The following CD200R1 variants were observed in gnomAD, a reference collection of about 807,000 sequenced individuals.
CD200R1 encodes cell surface glycoprotein CD200 receptor 1.
A neutral mutation model predicts 38.1 loss-of-function variants in CD200R1; 30 were observed. The ratio of observed to expected loss-of-function variants is 0.79; its 90% CI spans 0.59 to 1.07. CD200R1 has a LOEUF of 1.07. Among genes scored for constraint, CD200R1 ranks in the 50% least tolerant of loss-of-function variants. The probability of loss-of-function intolerance (pLI) is 0.00; values close to 1 mark genes in which losing one functional copy is unlikely to be tolerated. For missense variants in CD200R1, 372 were observed against 415.4 expected (o/e 0.90, Z 0.91); for synonymous variants, 128 against 152.1 (o/e 0.84, Z 1.16).
At chr3:112,941,372 C>T (rs1234516998) in intron 2 of CD200R1, among the ~76,000 whole-genome samples, 1 of 151,568 alleles carries the variant, frequency 6.6e-6, no homozygotes, top group Non-Finnish European at 1.5e-5. Flanking sequence ...CTGATTACTA[C>T]AAATTGTATG....
At chr3:112,946,375 C>T (rs1180649594) in intron 2 of CD200R1, among the ~76,000 whole-genome samples, 3 of 152,064 alleles carry the variant, frequency 2.0e-5, no homozygotes, top group Non-Finnish European at 2.9e-5. Context: ...GATTTGAAAC[C>T]CATGGATACA....
intron 2 of CD200R1, among the ~76,000 whole-genome samples, chr3:112,940,389 G>C (rs1940700314): frequency 6.6e-6 from 1 of 151,420 alleles, no homozygotes; most frequent in Non-Finnish European, 1.5e-5. Flanking sequence ...TTACAGAATG[G>C]GATAAAATAT....
Position 112,951,347 on chromosome 3 carries a change from A to G in CD200R1, c.68-3423T>C, listed in dbSNP as rs1259346324. Among the ~76,000 whole-genome samples the G allele has an allele frequency of 4.6e-5, 7 of 152,168 alleles. No individual in the cohort carries two copies. In the East Asian group the frequency reaches 1.4e-3, roughly 29 times the overall value. On this transcript the variant is annotated intron_variant, in intron 1 of 7. Coordinates refer to ENST00000308611, the MANE Select transcript of CD200R1 (RefSeq NM_138806.4). Reference sequence around the variant, plus strand: ...CTGAAAAGCCTTATATCTTTAAAAAACTGAATTTGTTGATAAAAAGCCTTC... The same window carrying G: ...CTGAAAAGCCTTATATCTTTAAAAAGCTGAATTTGTTGATAAAAAGCCTTC...
intron 2 of CD200R1, among the ~76,000 whole-genome samples, chr3:112,945,009 A>G (rs1373209624): frequency 6.6e-6 from 1 of 152,216 alleles, no homozygotes; most frequent in Non-Finnish European, 1.5e-5. Context: ...GTATAAGTCT[A>G]ACAAAATATG....
rs1398663538 is a variant in CD200R1, at chr3:112,921,659, C to A, written c.*2018G>T. 2 of 151,996 alleles carry A rather than the reference C, an allele frequency of 1.3e-5. No individual in the cohort carries two copies. The highest frequency in any genetic ancestry group is 4.8e-5 in the African/African-American group (2 of 41,418). The allele number at this position is 151,996 out of a possible 1,614,324, so 9.4% of individuals were successfully genotyped here. A position where few individuals can be genotyped will look rare whatever the true frequency, so the allele number is the denominator to read the frequency against. On this transcript the variant is annotated 3_prime_UTR_variant, in exon 8 of 8. Coordinates refer to ENST00000308611, the MANE Select transcript of CD200R1 (RefSeq NM_138806.4). ...ACGCCAGGTCTAATCTCTAGATTCTCTAATTTGACAGGTCTAGCGTGGATT... is the reference window on the plus strand; with the variant it reads ...ACGCCAGGTCTAATCTCTAGATTCTATAATTTGACAGGTCTAGCGTGGATT...
chr3:112,950,820 T>C (rs9869203), intron 1 of CD200R1, among the ~76,000 whole-genome samples: 39,549 of 152,164 alleles, frequency 0.26, 6,257 homozygotes, highest in Non-Finnish European at 0.36. Flanking sequence ...AGCAACCCTT[T>C]GCTCAAAGAA....
At chr3:112,931,016 C>A in intron 3 of CD200R1, 90 bp downstream of exon 3, 1 of 905,746 alleles carries the variant, frequency 1.1e-6, no homozygotes. Flanking sequence ...AGTCATAAGG[C>A]TGGCTTCCAG....
intron 1 of CD200R1, among the ~76,000 whole-genome samples, chr3:112,953,025 T>C (rs1415014798): frequency 6.6e-6 from 1 of 152,160 alleles, no homozygotes; most frequent in East Asian, 1.9e-4. Flanking sequence ...TGGGCATCCT[T>C]GTCTTGTTTC....
chr3:112,935,781 AGTTTT>A (rs1559947380), intron 2 of CD200R1, among the ~76,000 whole-genome samples: 2 of 152,124 alleles, frequency 1.3e-5, no homozygotes, highest in African/African-American at 4.8e-5. Context: ...ACAACAAAAA[AGTTTT>A]GTTTTTTCTG....
intron 5 of CD200R1, among the ~76,000 whole-genome samples, chr3:112,927,299 C>A (rs1940302242): frequency 6.6e-6 from 1 of 152,168 alleles, no homozygotes; most frequent in South Asian, 2.1e-4. Flanking sequence ...CACTGGTAGT[C>A]AGGCTTATCT....
intron 1 of CD200R1, among the ~76,000 whole-genome samples, chr3:112,970,814 T>A (rs1445763878): frequency 6.6e-6 from 1 of 152,172 alleles, no homozygotes; most frequent in Non-Finnish European, 1.5e-5. Flanking sequence ...TAATGTCTCA[T>A]CTTAATCCTC....
chr3:112,928,783 AAAAT>A, intron 5 of CD200R1, 29 bp downstream of exon 5: 1 of 1,514,920 alleles, frequency 6.6e-7, no homozygotes, highest in Admixed American at 1.9e-5. Flanking sequence ...AGAATGGAAA[AAAAT>A]AAAAAATAAA....
chr3:112,970,525 G>A (rs1353367267), intron 1 of CD200R1, among the ~76,000 whole-genome samples: 1 of 152,126 alleles, frequency 6.6e-6, no homozygotes, highest in East Asian at 1.9e-4. Context: ...CCAAATCCCA[G>A]TCAGCAATTG....
chr3:112,955,449 T>A (rs560635216), intron 1 of CD200R1, among the ~76,000 whole-genome samples: 1 of 152,302 alleles, frequency 6.6e-6, no homozygotes, highest in South Asian at 2.1e-4. Context: ...ACAATTGTTA[T>A]ATGCTCTTAC....
intron 2 of CD200R1, among the ~76,000 whole-genome samples, chr3:112,942,505 A>C (rs1940749944): frequency 6.6e-6 from 1 of 151,698 alleles, no homozygotes; most frequent in Admixed American, 6.6e-5. Flanking sequence ...ATCATATAAA[A>C]TACTCAGGTA....
At chr3:112,969,850 C>T (rs989297661) in intron 1 of CD200R1, among the ~76,000 whole-genome samples, 3 of 152,094 alleles carry the variant, frequency 2.0e-5, no homozygotes, top group African/African-American at 7.2e-5. Context: ...AAGTAACAGA[C>T]ATTTTTGAAG....
Position 112,931,163 on chromosome 3 carries a change from T to G in CD200R1, c.145A>C (p.Ser49Arg), listed in dbSNP as rs1940425107. The change falls in exon 3 of 8, where the codon AGT becomes CGT. Residue 49 changes from serine to arginine, a missense_variant. Physicochemically the swap from Ser to Arg is moderately radical, Grantham distance 110. Transcript: ENST00000308611. The stretch of plus-strand genomic sequence containing the variant: ...ATCTGTTTTTCATCCATACATAAAC[T>G]GCTTGAAGCTAGAAAATATTTAGAG... ...SKENHALASS[S>R]LCMDEKQITQ... 1 of 1,597,090 alleles carries G rather than the reference T, an allele frequency of 6.3e-7. No individual in the cohort carries two copies. Among genetic ancestry groups the G allele is most frequent in the Non-Finnish European group, 8.6e-7 (1 of 1,164,618 alleles).
intron 1 of CD200R1, among the ~76,000 whole-genome samples, chr3:112,965,412 T>C (rs1319566927): frequency 6.6e-6 from 1 of 152,180 alleles, no homozygotes; most frequent in African/African-American, 2.4e-5. Flanking sequence ...CATCCTTTCA[T>C]GTTAAACTTG....
chr3:112,965,678 T>C (rs1239543521), intron 1 of CD200R1, among the ~76,000 whole-genome samples: 1 of 152,082 alleles, frequency 6.6e-6, no homozygotes, highest in East Asian at 1.9e-4. Flanking sequence ...GGAGAATTGC[T>C]TGAACCCAGG....
Sources: allele counts gnomAD v4.1 joint callset (sites outside exome capture counted in the v4.1 genomes callset), GRCh38; gene constraint gnomAD v4.1.1; transcripts MANE v1.5; gene names NCBI Gene and HGNC (gene_info 2026-07-23, HGNC 2026-07-21).